L3MBTL4: variants seen among roughly 807,000 people sequenced by gnomAD.
L3MBTL4 encodes L3MBTL histone methyl-lysine binding protein 4, also known as lethal(3)malignant brain tumor-like protein 4.
In L3MBTL4, 70 loss-of-function variants were observed where a neutral mutation model predicts 84.5. That is an observed-to-expected ratio of 0.83 (90% confidence interval 0.68 to 1.01). The LOEUF (loss-of-function observed/expected upper bound fraction) is 1.01, where lower values mean the gene tolerates loss of function less well. L3MBTL4 is among the 50% of genes least tolerant of loss of function. The pLI is 0.00. For synonymous variants in L3MBTL4, 274 were observed against 259.8 expected (o/e 1.05, Z -0.52); for missense variants, 715 against 754.8 (o/e 0.95, Z 0.62).
In L3MBTL4 at chr18:6,354,968, G is replaced by GTGCAAAAA. The variant is rs2053368860; in HGVS notation, c.-90-42913_-90-42912insTTTTTGCA. 3.3e-5 allele frequency among the ~76,000 whole-genome samples: 5 copies of GTGCAAAAA among 152,292 alleles called. No individual in the cohort carries two copies. The South Asian group carries it at 1.0e-3, about 32-fold the overall frequency. ...AAAGAAAGGAAATGAGCATATCAAA[G>GTGCAAAAA]AGATTTTTGCACTCCCATGTTTGTT... On this transcript the variant is annotated intron_variant, in intron 1 of 18. Transcript: ENST00000317931.
At chr18:6,314,567 T>A (rs2050999487) in intron 1 of L3MBTL4, among the ~76,000 whole-genome samples, 1 of 152,194 alleles carries the variant, frequency 6.6e-6, no homozygotes, top group African/African-American at 2.4e-5. Context: ...TAACTACATA[T>A]AAATGATTTG....
intron 13 of L3MBTL4, among the ~76,000 whole-genome samples, chr18:6,140,275 T>C (rs528244840): frequency 3.3e-5 from 5 of 152,286 alleles, no homozygotes; most frequent in Admixed American, 3.3e-4. Context: ...CTAACTTAGA[T>C]TCTATCAACT....
intron 16 of L3MBTL4, among the ~76,000 whole-genome samples, chr18:6,057,677 A>G (rs542944111): frequency 6.6e-6 from 1 of 152,342 alleles, no homozygotes; most frequent in East Asian, 1.9e-4. Flanking sequence ...AAAACAAATC[A>G]ACAATGAAAA....
chr18:6,090,987 T>A (rs2058436144), intron 15 of L3MBTL4, among the ~76,000 whole-genome samples: 1 of 152,040 alleles, frequency 6.6e-6, no homozygotes, highest in Non-Finnish European at 1.5e-5. Context: ...TTAACCCCCA[T>A]CACTATTTTT....
chr18:6,146,041 G>A (rs1182271007), intron 13 of L3MBTL4, among the ~76,000 whole-genome samples: 2 of 152,256 alleles, frequency 1.3e-5, no homozygotes, highest in Non-Finnish European at 2.9e-5. Context: ...CCTACTTGAA[G>A]TGAGAGCACG....
At chr18:6,382,759 G>A (rs2054646937) in intron 1 of L3MBTL4, among the ~76,000 whole-genome samples, 2 of 152,188 alleles carry the variant, frequency 1.3e-5, no homozygotes, top group Non-Finnish European at 2.9e-5. Context: ...GTCCCTACTC[G>A]GAGATGTCTC....
chr18:6,246,408 T>C (rs2047668351), intron 5 of L3MBTL4, among the ~76,000 whole-genome samples: 2 of 152,228 alleles, frequency 1.3e-5, no homozygotes, highest in African/African-American at 4.8e-5. Context: ...ATCATTATTT[T>C]CTTTAAGCAC....
At chr18:6,290,268 A>T (rs887777163) in intron 4 of L3MBTL4, among the ~76,000 whole-genome samples, 1 of 145,478 alleles carries the variant, frequency 6.9e-6, no homozygotes, top group Non-Finnish European at 1.5e-5. Context: ...ATCAGACTGC[A>T]GAAGGGTTTT....
At chr18:6,332,202 C>T (rs182059707) in intron 1 of L3MBTL4, among the ~76,000 whole-genome samples, 25 of 152,298 alleles carry the variant, frequency 1.6e-4, no homozygotes, top group Non-Finnish European at 3.2e-4. Flanking sequence ...AAGCCCTGAG[C>T]GAGTCAGAGC....
chr18:6,117,879 C>A (rs776842367), intron 14 of L3MBTL4, among the ~76,000 whole-genome samples: 3 of 152,122 alleles, frequency 2.0e-5, no homozygotes, highest in Non-Finnish European at 4.4e-5. Context: ...ATTTCCAATT[C>A]TCTGTATTAA....
chr18:6,277,260 A>C (rs982734900), intron 4 of L3MBTL4, among the ~76,000 whole-genome samples: 6 of 152,140 alleles, frequency 3.9e-5, no homozygotes, highest in Non-Finnish European at 1.5e-5. Flanking sequence ...CACAATGTGC[A>C]CATGTACCCT....
intron 1 of L3MBTL4, among the ~76,000 whole-genome samples, chr18:6,359,022 T>A (rs1282277826): frequency 6.6e-6 from 1 of 152,264 alleles, no homozygotes; most frequent in Admixed American, 6.5e-5. Context: ...TCAAATCTAG[T>A]GTTTTCATTT....
At chr18:6,128,010 C>T (rs555805880) in intron 14 of L3MBTL4, among the ~76,000 whole-genome samples, 10 of 118,090 alleles carry the variant, frequency 8.5e-5, no homozygotes, top group African/African-American at 2.5e-4. Flanking sequence ...TAACCAAAAA[C>T]GAATCAAAAC....
chr18:6,040,848 C>G (rs537943691), intron 16 of L3MBTL4, among the ~76,000 whole-genome samples: 1 of 152,206 alleles, frequency 6.6e-6, no homozygotes, highest in Non-Finnish European at 1.5e-5. Context: ...TCTCCACTCT[C>G]AGTTGTAGGG....
rs1332837382 is a variant in L3MBTL4 at position 6,349,540 on chromosome 18, A to G, written c.-90-37484T>C. ...GGCCAGATCGAGACCAGCCCGAGCAACACATTGAGAACCTGTCTCCCCTAA... is the reference window on the plus strand; with the variant it reads ...GGCCAGATCGAGACCAGCCCGAGCAGCACATTGAGAACCTGTCTCCCCTAA... On this transcript the variant is annotated intron_variant, in intron 1 of 18. Transcript: ENST00000317931. Among the ~76,000 whole-genome samples the G allele has an allele frequency of 1.7e-4, 26 of 152,102 alleles. 1 individual carries two copies. Among genetic ancestry groups the G allele is most frequent in the Non-Finnish European group, 2.9e-5 (2 of 68,016 alleles).
At chr18:6,128,132 T>C (rs2059763420) in intron 14 of L3MBTL4, among the ~76,000 whole-genome samples, 1 of 145,310 alleles carries the variant, frequency 6.9e-6, no homozygotes, top group East Asian at 2.0e-4. Context: ...AAGAACAGGA[T>C]ACAATAAAAA....
At chr18:6,128,802 A>G (rs2059782855) in intron 14 of L3MBTL4, among the ~76,000 whole-genome samples, 2 of 152,130 alleles carry the variant, frequency 1.3e-5, no homozygotes, top group South Asian at 4.1e-4. Flanking sequence ...GGGAATTCCA[A>G]GATGGAGGAA....
chr18:6,217,589 C>G (rs1226744181), intron 10 of L3MBTL4, among the ~76,000 whole-genome samples: 4 of 152,082 alleles, frequency 2.6e-5, no homozygotes, highest in Non-Finnish European at 4.4e-5. Context: ...TATGAACATT[C>G]TGGTATATTC....
intron 1 of L3MBTL4, among the ~76,000 whole-genome samples, chr18:6,388,515 C>A (rs904490481): frequency 6.6e-6 from 1 of 151,998 alleles, no homozygotes; most frequent in Non-Finnish European, 1.5e-5. Context: ...AGAAAACTAC[C>A]AGGTGAGAAA....
Sources: gnomAD v4.1 joint callset for allele counts (sites outside exome capture counted in the v4.1 genomes callset) on GRCh38, gnomAD v4.1.1 for gene constraint, MANE v1.5 for transcripts, NCBI Gene and HGNC (gene_info 2026-07-23, HGNC 2026-07-21) for gene names.